The following RRAGB variants were observed in gnomAD, a reference collection of about 807,000 sequenced individuals.
The protein encoded by RRAGB is Ras related GTP binding B.
In RRAGB, 6 loss-of-function variants were observed where a neutral mutation model predicts 29.3. The observed-to-expected ratio is 0.21, with a 90% CI of 0.11 to 0.40. The LOEUF (loss-of-function observed/expected upper bound fraction) is 0.40. RRAGB is among the 10% of genes least tolerant of loss of function. The pLI, the probability that RRAGB is intolerant of heterozygous loss-of-function variation, is 1.00. For synonymous variants in RRAGB, 101 were observed against 92.5 expected, an observed-to-expected ratio of 1.09 and a Z score of -0.53; for missense variants, 184 against 272.9, an observed-to-expected ratio of 0.67 and a Z score of 2.29.
chrX:55,731,431 C>G lies in RRAGB; in HGVS notation c.361C>G (p.Leu121Val). The G allele has an allele frequency of 8.3e-7, 1 of 1,210,549 alleles. No homozygotes were observed. The highest frequency in any genetic ancestry group is 3.0e-5 in the East Asian group (1 of 33,832). The change falls in exon 5 of 10, where the codon CTG becomes GTG. Residue 121 changes from leucine to valine, a missense_variant. Physicochemically the swap from Leu to Val is conservative, Grantham distance 32 (BLOSUM62 1). Coordinates refer to ENST00000374941, the MANE Select transcript of RRAGB (RefSeq NM_006064.5). ...CAACATCTTCCGAAATGTGGAGGTT[C>G]TGATTTATGTCTTTGATGTGGAGAG... ...RDNIFRNVEV[L>V]IYVFDVESRE...
chrX:55,740,469 C>T (rs2034025637), intron 5 of RRAGB, among the ~76,000 whole-genome samples: 2 of 112,006 alleles, frequency 1.8e-5, no homozygotes, highest in Non-Finnish European at 1.9e-5. Flanking sequence ...TCCTGTAGCA[C>T]AAAAATCCGT....
At chrX:55,743,560 T>C (rs1254783671) in intron 5 of RRAGB, among the ~76,000 whole-genome samples, 1 of 112,779 alleles carries the variant, frequency 8.9e-6, no homozygotes, top group African/African-American at 3.2e-5. Flanking sequence ...ACCTGCATGG[T>C]TGGAGAAAGG....
intron 5 of RRAGB, among the ~76,000 whole-genome samples, chrX:55,741,394 T>G (rs2034066060): frequency 1.8e-5 from 2 of 112,345 alleles, no homozygotes; most frequent in South Asian, 3.7e-4. Flanking sequence ...ATTTGCTTTT[T>G]GTCTAACATC....
chrX:55,758,287 C>G lies in RRAGB; in HGVS notation c.985C>G (p.His329Asp), dbSNP rs1371229740. The G allele has an allele frequency of 8.3e-7, 1 of 1,207,892 alleles. No homozygotes were observed. The highest frequency in any genetic ancestry group is 1.8e-5 in the South Asian group (1 of 56,336). ...TLINIRNARK[H>D]FEKLERVDGP... Reference sequence around the variant, plus strand: ...GATCAACATCCGCAATGCCAGGAAACACTTTGAAAAGCTGGAAAGAGTGGA... The same window carrying G: ...GATCAACATCCGCAATGCCAGGAAAGACTTTGAAAAGCTGGAAAGAGTGGA... Residue 329 changes from histidine to aspartate, a missense_variant, in exon 10 of 10, where the codon CAC becomes GAC. Transcript: ENST00000374941.
intron 5 of RRAGB, among the ~76,000 whole-genome samples, chrX:55,748,262 G>A (rs968184151): frequency 2.1e-4 from 24 of 112,535 alleles, no homozygotes; most frequent in Non-Finnish European, 1.9e-4. Context: ...CCAAAGAGCC[G>A]AGATTGCAGC....
chrX:55,747,630 A>G (rs1478735195), intron 5 of RRAGB, among the ~76,000 whole-genome samples: 1 of 111,557 alleles, frequency 9.0e-6, no homozygotes, highest in Non-Finnish European at 1.9e-5. Context: ...TTGCCTCTTA[A>G]AAGTATTTTA....
intron 8 of RRAGB, 35 bp downstream of exon 8, chrX:55,755,967 T>C: frequency 1.0e-6 from 1 of 979,311 alleles, no homozygotes; most frequent in Non-Finnish European, 1.4e-6. Context: ...TGTTTATCTC[T>C]TGAAAAAATT....
intron 2 of RRAGB, among the ~76,000 whole-genome samples, chrX:55,720,687 CAA>C (rs3077387): frequency 0.34 from 30,514 of 90,375 alleles, 4,199 homozygotes; most frequent in Middle Eastern, 0.5. Flanking sequence ...CTAAATATAC[CAA>C]AAAAAAAAAA....
At chrX:55,753,329 A>G in intron 6 of RRAGB, 63 bp from the exon 7 acceptor site, 2 of 1,057,923 alleles carry the variant, frequency 1.9e-6, no homozygotes, top group Middle Eastern at 2.6e-4. Context: ...TGTACTTACT[A>G]ATTTCAAAGG....
intron 5 of RRAGB, among the ~76,000 whole-genome samples, chrX:55,742,033 C>T (rs1380175494): frequency 8.9e-6 from 1 of 112,110 alleles, no homozygotes; most frequent in Non-Finnish European, 1.9e-5. Context: ...TAATCATTTT[C>T]CCAGAAGAGG....
chrX:55,748,577 A>C (rs1029039290), intron 5 of RRAGB, among the ~76,000 whole-genome samples: 1 of 110,462 alleles, frequency 9.1e-6, no homozygotes, highest in Non-Finnish European at 1.9e-5. Context: ...CGGGGAGGTG[A>C]GGAGCGTCTC....
chrX:55,746,727 A>C (rs1336315719), intron 5 of RRAGB, among the ~76,000 whole-genome samples: 1 of 111,689 alleles, frequency 9.0e-6, no homozygotes, highest in Non-Finnish European at 1.9e-5. Flanking sequence ...ATACCAAGGC[A>C]GTTCTGGCAT....
intron 5 of RRAGB, among the ~76,000 whole-genome samples, chrX:55,732,138 G>T (rs1427318146): frequency 7.1e-5 from 8 of 112,233 alleles, no homozygotes; most frequent in Non-Finnish European, 1.5e-4. Flanking sequence ...TGGAGTAGGA[G>T]ATAACCAGTC....
chrX:55,747,527 A>T (rs751651956), intron 5 of RRAGB, among the ~76,000 whole-genome samples: 11 of 111,529 alleles, frequency 9.9e-5, no homozygotes, highest in Non-Finnish European at 2.1e-4. Flanking sequence ...TCCTTTCTCT[A>T]CTTTGTTCAG....
At position 55,723,314 on chromosome X, in the gene RRAGB, G is replaced by A. The variant is rs1255959402; in HGVS notation, c.226+1029G>A. On this transcript the variant is annotated intron_variant, in intron 3 of 9. Transcript: ENST00000374941. ...CCACAACGACGCCCAGCTAATTTTT[G>A]TATTTTTACCAGAGATGAGGTTTCA... Among the ~76,000 whole-genome samples the A allele has an allele frequency of 2.7e-5, 3 of 110,318 alleles. No homozygotes were observed. The Admixed American group carries it at 2.9e-4, about 11-fold the overall frequency.
chrX:55,746,965 T>C (rs1241593058), intron 5 of RRAGB, among the ~76,000 whole-genome samples: 1 of 112,485 alleles, frequency 8.9e-6, no homozygotes, highest in Admixed American at 9.4e-5. Flanking sequence ...TTTTTGTCTG[T>C]AAATTGGAGA....
Position 55,718,283 on chromosome X carries a change from A to G in RRAGB, c.-45A>G. On this transcript the variant is annotated 5_prime_UTR_variant, in exon 1 of 10. Transcript: ENST00000374941. The stretch of plus-strand genomic sequence containing the variant: ...AACAAACAACAACAACAAACCCTGA[A>G]GAGTACTGAAGATTTAGAAGGGACT... The G allele has an allele frequency of 4.0e-6, 4 of 989,196 alleles. No homozygotes were observed. The highest frequency in any genetic ancestry group is 5.6e-6 in the Non-Finnish European group (4 of 713,477). The allele number at this position is 989,196 out of a possible 1,213,427, so 81.5% of individuals were successfully genotyped here.
chrX:55,724,707 A>G lies in RRAGB; in HGVS notation c.226+2422A>G, dbSNP rs139134962. On this transcript the variant is annotated intron_variant, in intron 3 of 9. Transcript: ENST00000374941. ...TGATTTCAGTAGATTAGAGGAAGCTAATGGTTATTGAACAACTGTTATTTG... is the reference window on the plus strand; with the variant it reads ...TGATTTCAGTAGATTAGAGGAAGCTGATGGTTATTGAACAACTGTTATTTG... Among the ~76,000 whole-genome samples the G allele has an allele frequency of 8.4e-3, 941 of 111,754 alleles. 12 individuals are homozygous for G. The highest frequency in any genetic ancestry group is 0.012 in the Non-Finnish European group (660 of 53,104).
chrX:55,730,727 G>A (rs1165918261), intron 4 of RRAGB, among the ~76,000 whole-genome samples: 2 of 111,744 alleles, frequency 1.8e-5, no homozygotes, highest in African/African-American at 6.5e-5. Context: ...TAGAAGCTGG[G>A]AAACAATGAA....
Sources: allele counts gnomAD v4.1 joint callset (sites outside exome capture counted in the v4.1 genomes callset), GRCh38; gene constraint gnomAD v4.1.1; transcripts MANE v1.5; gene names NCBI Gene and HGNC (gene_info 2026-07-23, HGNC 2026-07-21).